The following CDH18 variants were observed in gnomAD, a reference collection of about 807,000 sequenced individuals.
CDH18 encodes the protein cadherin 18.
In CDH18, 31 loss-of-function variants were observed where a neutral mutation model predicts 67.9. That is an observed-to-expected ratio of 0.46 (90% confidence interval 0.34 to 0.62). The LOEUF is 0.62. Among genes scored for constraint, CDH18 ranks in the 20% least tolerant of loss-of-function variants. CDH18 has a pLI of 0.01. For synonymous variants in CDH18, 362 were observed against 347.2 expected, an observed-to-expected ratio of 1.04 and a Z score of -0.48; for missense variants, 890 against 975.5, an observed-to-expected ratio of 0.91 and a Z score of 1.17.
In CDH18 at chr5:20,235,485, A is replaced by C. The variant is rs545448181; in HGVS notation, c.-518+19959T>G. ...GCCAAGGTCATGACAAACACGTCTC[A>C]AAAGAAGACATACAAACAACGAACA... On this transcript the variant is annotated intron_variant, in intron 2 of 14. Coordinates refer to the CDH18 transcript ENST00000507958. Among the ~76,000 whole-genome samples, 5 of 152,332 alleles carry C rather than the reference A, an allele frequency of 3.3e-5. No individual in the cohort carries two copies. The East Asian group carries it at 5.8e-4, about 18-fold the overall frequency.
chr5:19,993,410 T>G (rs1000766739), intron 2 of CDH18, among the ~76,000 whole-genome samples: 2 of 152,166 alleles, frequency 1.3e-5, no homozygotes, highest in African/African-American at 4.8e-5. Flanking sequence ...AAAGATGAAT[T>G]ACAAAAATAT....
chr5:19,689,132 C>A (rs1376394086), intron 5 of CDH18, among the ~76,000 whole-genome samples: 1 of 151,930 alleles, frequency 6.6e-6, no homozygotes, highest in Non-Finnish European at 1.5e-5. Flanking sequence ...TAACTGAAAA[C>A]CTCCTAAGTC....
chr5:20,129,176 G>C (rs1284786488), intron 2 of CDH18, among the ~76,000 whole-genome samples: 3 of 151,594 alleles, frequency 2.0e-5, no homozygotes, highest in Non-Finnish European at 2.9e-5. Flanking sequence ...GAGAGAATGA[G>C]AGAAAGATAG....
chr5:20,261,436 T>G (rs953520260), intron 1 of CDH18, among the ~76,000 whole-genome samples: 3 of 152,158 alleles, frequency 2.0e-5, no homozygotes, highest in South Asian at 4.1e-4. Context: ...ACAATAAGTG[T>G]TTTGTAAATA....
chr5:19,514,839 T>C (rs984644070), intron 10 of CDH18, among the ~76,000 whole-genome samples: 2 of 152,194 alleles, frequency 1.3e-5, no homozygotes, highest in Non-Finnish European at 2.9e-5. Context: ...GTGCTGAAGG[T>C]TTTTAGTTTA....
At position 20,129,794 on chromosome 5, in the gene CDH18, G is replaced by A. The variant is rs1007991057; in HGVS notation, c.-518+125650C>T. ...TACTGATGCAAGCCACTGATATTAC[G>A]AAGTTATTTTTATTTCAACATAAGA... On this transcript the variant is annotated intron_variant, in intron 2 of 14. Coordinates refer to the CDH18 transcript ENST00000507958. 2.0e-4 allele frequency among the ~76,000 whole-genome samples: 31 copies of A among 152,048 alleles called. 1 individual carries two copies. The highest frequency in any genetic ancestry group is 9.7e-4 in the East Asian group (5 of 5,180).
intron 2 of CDH18, among the ~76,000 whole-genome samples, chr5:19,922,423 T>A (rs1242159207): frequency 6.6e-6 from 1 of 152,190 alleles, no homozygotes; most frequent in Non-Finnish European, 1.5e-5. Flanking sequence ...GAAACTTATT[T>A]CACCCAAAGA....
At chr5:20,120,157 T>A (rs1561806314) in intron 2 of CDH18, among the ~76,000 whole-genome samples, 1 of 152,032 alleles carries the variant, frequency 6.6e-6, no homozygotes, top group Non-Finnish European at 1.5e-5. Flanking sequence ...AAAAGAGAAA[T>A]CAGTGGTGCA....
intron 3 of CDH18, among the ~76,000 whole-genome samples, chr5:19,757,197 A>G (rs1157212971): frequency 1.3e-5 from 2 of 152,214 alleles, no homozygotes; most frequent in East Asian, 1.9e-4. Context: ...CCATGAGTCC[A>G]TGGATGGTAG....
At chr5:19,855,090 CTAAG>C (rs141307304) in intron 2 of CDH18, among the ~76,000 whole-genome samples, 2,331 of 152,208 alleles carry the variant, frequency 0.015, 56 homozygotes, top group African/African-American at 0.052. Context: ...TTTTTTATGG[CTAAG>C]TAATAACCGA....
At chr5:20,045,806 A>T (rs1225072524) in intron 2 of CDH18, among the ~76,000 whole-genome samples, 1 of 152,042 alleles carries the variant, frequency 6.6e-6, no homozygotes, top group Non-Finnish European at 1.5e-5. Flanking sequence ...CCTGCCATAG[A>T]GACATCCTTA....
intron 1 of CDH18, among the ~76,000 whole-genome samples, chr5:20,461,145 A>G (rs1428167638): frequency 4.6e-5 from 7 of 152,126 alleles, no homozygotes; most frequent in Non-Finnish European, 1.0e-4. Context: ...TGACAGCCAC[A>G]CGCTTGCTGT....
At chr5:20,214,872 C>T (rs768490100) in intron 2 of CDH18, among the ~76,000 whole-genome samples, 3 of 152,016 alleles carry the variant, frequency 2.0e-5, no homozygotes, top group Non-Finnish European at 4.4e-5. Flanking sequence ...CGCTTCTTCA[C>T]AGCAAAAGAA....
intron 2 of CDH18, among the ~76,000 whole-genome samples, chr5:19,884,216 G>A (rs1031331446): frequency 2.0e-5 from 3 of 152,032 alleles, no homozygotes; most frequent in African/African-American, 7.2e-5. Context: ...CGGCAAGGTC[G>A]CCTACTTCAG....
chr5:19,612,706 T>G, intron 5 of CDH18, 105 bp from the exon 6 acceptor site: 1 of 886,538 alleles, frequency 1.1e-6, no homozygotes, highest in South Asian at 1.7e-5. Flanking sequence ...ATAGCATATT[T>G]TTGGGATAAA....
chr5:19,825,755 T>C (rs751248334), intron 3 of CDH18, among the ~76,000 whole-genome samples: 4 of 151,676 alleles, frequency 2.6e-5, no homozygotes, highest in African/African-American at 4.8e-5. Context: ...ACTTCAAAGA[T>C]TGAAAGAATA....
intron 1 of CDH18, among the ~76,000 whole-genome samples, chr5:20,468,882 T>C (rs1449918128): frequency 3.3e-5 from 5 of 152,202 alleles, no homozygotes; most frequent in East Asian, 3.9e-4. Flanking sequence ...GGTAAAGGGC[T>C]AAATTTAAAA....
At chr5:19,704,947 G>A (rs1763753150) in intron 5 of CDH18, among the ~76,000 whole-genome samples, 1 of 152,096 alleles carries the variant, frequency 6.6e-6, no homozygotes, top group South Asian at 2.1e-4. Flanking sequence ...TTAAAAGACT[G>A]TTTCTTTACT....
At chr5:20,186,758 T>C (rs1046101134) in intron 2 of CDH18, among the ~76,000 whole-genome samples, 3 of 151,684 alleles carry the variant, frequency 2.0e-5, no homozygotes, top group Admixed American at 6.6e-5. Context: ...CTTAAAAAAA[T>C]GTAGAATTAT....
Sources: gnomAD v4.1 joint callset for allele counts (sites outside exome capture counted in the v4.1 genomes callset) on GRCh38, gnomAD v4.1.1 for gene constraint, MANE v1.5 for transcripts, NCBI Gene and HGNC (gene_info 2026-07-23, HGNC 2026-07-21) for gene names.